CPS1: variants seen among roughly 807,000 people sequenced by gnomAD.
CPS1 encodes carbamoyl-phosphate synthase [ammonia], mitochondrial.
Under a neutral mutation model 174.6 loss-of-function variants are expected in CPS1, and 109 were observed. That is an observed-to-expected ratio of 0.62 (90% CI 0.53 to 0.73). The LOEUF (loss-of-function observed/expected upper bound fraction) is 0.73, where lower values mean the gene tolerates loss of function less well. Ranked by LOEUF, CPS1 falls within the 30% of genes least tolerant of loss-of-function variation. The pLI, the probability that CPS1 is intolerant of heterozygous loss-of-function variation, is 0.00. For missense variants in CPS1, 1,689 were observed against 1,821.9 expected (o/e 0.93, Z 1.33); for synonymous variants, 637 against 632.0 (o/e 1.01, Z -0.12).
intron 1 of CPS1, among the ~76,000 whole-genome samples, chr2:210,482,095 C>T (rs1694585025): frequency 6.6e-6 from 1 of 152,178 alleles, no homozygotes; most frequent in African/African-American, 2.4e-5. Flanking sequence ...ATTCTCAGGA[C>T]TAATTTCCTG....
chr2:210,538,400 T>C (rs1391577380), intron 1 of CPS1, among the ~76,000 whole-genome samples: 5 of 152,122 alleles, frequency 3.3e-5, no homozygotes, highest in Admixed American at 2.6e-4. Flanking sequence ...TCAGTTGATC[T>C]TTAAGAGAAC....
intron 1 of CPS1, among the ~76,000 whole-genome samples, chr2:210,548,668 A>T (rs1462782438): frequency 1.3e-5 from 2 of 151,504 alleles, no homozygotes; most frequent in Non-Finnish European, 2.9e-5. Flanking sequence ...CCCCTTCTTC[A>T]TCTCCTTCTT....
Position 210,599,461 on chromosome 2 carries a change from C to A in CPS1, c.1449C>A (p.Tyr483Ter). The change falls in exon 14 of 38, where the codon TAC becomes TAA. Residue 483 changes from tyrosine to a stop codon, truncating the protein, a stop_gained. Coordinates refer to ENST00000233072, the MANE Select transcript of CPS1 (RefSeq NM_001875.5). LOFTEE classifies it high-confidence loss of function. The part of the protein sequence containing the change: ...EVGLKQADTV[Y>*]FLPITPQFVT... ...GCTTAAAGCAAGCGGATACTGTCTA[C>A]TTTCTTCCCATCACCCCTCAGTTTG... 1 of 1,612,628 alleles carries A rather than the reference C, an allele frequency of 6.2e-7. No homozygotes were observed. The highest frequency in any genetic ancestry group is 8.5e-7 in the Non-Finnish European group (1 of 1,179,094).
At chr2:210,608,655 C>A (rs1699009547) in intron 19 of CPS1, 96 bp downstream of exon 19, 1 of 1,153,712 alleles carries the variant, frequency 8.7e-7, no homozygotes, top group Non-Finnish European at 1.3e-6. Flanking sequence ...TGGATACCAT[C>A]AACACATGGA....
At chr2:210,543,286 T>C (rs1696479391) in intron 1 of CPS1, among the ~76,000 whole-genome samples, 1 of 152,126 alleles carries the variant, frequency 6.6e-6, no homozygotes, top group Non-Finnish European at 1.5e-5. Flanking sequence ...AATGACTTCC[T>C]ATTGCACTAT....
chr2:210,523,449 T>C (rs1197157182), intron 1 of CPS1, among the ~76,000 whole-genome samples: 3 of 152,010 alleles, frequency 2.0e-5, no homozygotes, highest in Non-Finnish European at 4.4e-5. Context: ...ACATACATAA[T>C]GTACAATGTA....
intron 1 of CPS1, among the ~76,000 whole-genome samples, chr2:210,559,051 T>C (rs1374233150): frequency 1.3e-5 from 2 of 152,114 alleles, no homozygotes; most frequent in African/African-American, 4.8e-5. Context: ...TATTCAGTTA[T>C]TGTGAAATAG....
chr2:210,532,098 T>C (rs1696128438), intron 1 of CPS1, among the ~76,000 whole-genome samples: 1 of 152,162 alleles, frequency 6.6e-6, no homozygotes, highest in Non-Finnish European at 1.5e-5. Flanking sequence ...TTCTGCATCA[T>C]GGTTTTTTTA....
chr2:210,573,183 G>C (rs929498642), intron 1 of CPS1, 115 bp from the exon 2 acceptor site: 3 of 921,352 alleles, frequency 3.3e-6, no homozygotes, highest in East Asian at 2.4e-5. Context: ...GGGCATTATG[G>C]TTTCATTAAA....
chr2:210,580,785 C>G (rs763628718), intron 5 of CPS1, among the ~76,000 whole-genome samples: 1 of 150,428 alleles, frequency 6.6e-6, no homozygotes, highest in Non-Finnish European at 1.5e-5. Context: ...CACTTGAACC[C>G]GGGAGGCGGA....
chr2:210,572,450 A>G (rs529335273), intron 1 of CPS1, among the ~76,000 whole-genome samples: 1 of 152,052 alleles, frequency 6.6e-6, no homozygotes, highest in East Asian at 1.9e-4. Flanking sequence ...CTTGAATTTT[A>G]CGGAAATTGA....
intron 5 of CPS1, among the ~76,000 whole-genome samples, chr2:210,580,129 C>A (rs557076919): frequency 6.6e-6 from 1 of 152,176 alleles, no homozygotes; most frequent in South Asian, 2.1e-4. Flanking sequence ...AACAATTTTG[C>A]CTGAAGTGAA....
intron 30 of CPS1, 135 bp from the exon 31 acceptor site, chr2:210,658,464 T>C: frequency 1.6e-5 from 11 of 677,806 alleles, no homozygotes; most frequent in Non-Finnish European, 2.9e-5. Context: ...CCATTATAAT[T>C]ATTAATGTAG....
At chr2:210,651,016 C>G (rs1015107661) in intron 28 of CPS1, among the ~76,000 whole-genome samples, 10 of 152,200 alleles carry the variant, frequency 6.6e-5, no homozygotes, top group African/African-American at 2.4e-4. Flanking sequence ...CACTGCCCCC[C>G]AGCCTTTACC....
intron 24 of CPS1, among the ~76,000 whole-genome samples, chr2:210,642,166 G>A (rs1700245447): frequency 6.6e-6 from 1 of 152,164 alleles, no homozygotes; most frequent in Admixed American, 6.5e-5. Context: ...TTCAGTAAGT[G>A]AGGGTTATTT....
In CPS1 at chr2:210,600,420, C is replaced by T. The variant is rs142903697; in HGVS notation, c.1550-135C>T. ...AGAATTTTTATTTCAATTTTTTTCCCTAAGTGCAATTCTATTGTAGACAGT... is the reference window on the plus strand; with the variant it reads ...AGAATTTTTATTTCAATTTTTTTCCTTAAGTGCAATTCTATTGTAGACAGT... On this transcript the variant is annotated intron_variant, in intron 14 of 37. Coordinates refer to ENST00000233072, the MANE Select transcript of CPS1 (RefSeq NM_001875.5). 4.9e-4 allele frequency: 379 copies of T among 769,296 alleles called. 1 individual carries two copies. In the African/African-American group the frequency reaches 5.7e-3, roughly 12 times the overall value. The allele number at this position is 769,296 out of a possible 1,614,324, so 47.7% of individuals were successfully genotyped here.
At chr2:210,505,938 C>A (rs1267581075) in intron 1 of CPS1, among the ~76,000 whole-genome samples, 1 of 132,636 alleles carries the variant, frequency 7.5e-6, no homozygotes, top group Non-Finnish European at 1.6e-5. Context: ...GCATGGCTGC[C>A]TCTGTAGACT....
intron 26 of CPS1, 118 bp from the exon 27 acceptor site, chr2:210,648,355 A>G (rs1700446434): frequency 1.2e-6 from 1 of 824,844 alleles, no homozygotes; most frequent in African/African-American, 1.7e-5. Context: ...ATTTACATTT[A>G]ATGGTGCCTT....
intron 3 of CPS1, chr2:210,577,177 G>A (rs1697740128): frequency 3.7e-6 from 2 of 541,414 alleles, no homozygotes; most frequent in East Asian, 3.2e-5. Flanking sequence ...GTCAGAAGGG[G>A]GACCTAGTTT....
Sources: allele counts gnomAD v4.1 joint callset (sites outside exome capture counted in the v4.1 genomes callset), GRCh38; gene constraint gnomAD v4.1.1; transcripts MANE v1.5; gene names NCBI Gene and HGNC (gene_info 2026-07-23, HGNC 2026-07-21).